Variants in LRGUK observed in about 807,000 individuals in gnomAD.
LRGUK encodes leucine-rich repeat and guanylate kinase domain-containing protein.
A neutral mutation model predicts 76.0 loss-of-function variants in LRGUK; 65 were observed. That is an observed-to-expected ratio of 0.85 (90% CI 0.70 to 1.05). The LOEUF (loss-of-function observed/expected upper bound fraction) is 1.05. Ranked by LOEUF, LRGUK falls within the 50% of genes least tolerant of loss-of-function variation. The pLI is 0.00. For missense variants in LRGUK, 758 were observed against 732.8 expected (o/e 1.03, Z -0.40); for synonymous variants, 268 against 265.6 (o/e 1.01, Z -0.09).
At chr7:134,178,902 G>A (rs908177191) in intron 10 of LRGUK, among the ~76,000 whole-genome samples, 18 of 58,688 alleles carry the variant, frequency 3.1e-4, no homozygotes, top group East Asian at 1.6e-3. Context: ...GGTGGCCAGC[G>A]TGTGCCACAC....
intron 1 of LRGUK, 139 bp from the exon 2 acceptor site, chr7:134,136,884 T>A (rs1409971399): frequency 4.8e-6 from 3 of 628,118 alleles, no homozygotes; most frequent in Non-Finnish European, 8.4e-6. Context: ...AACACAGAAT[T>A]TTTTTGGGGG....
the LRGUK span, among the ~76,000 whole-genome samples, chr7:134,274,291 T>A: frequency 6.6e-6 from 1 of 152,234 alleles, no homozygotes; most frequent in Non-Finnish European, 1.5e-5. Context: ...CCAACAGTGA[T>A]TTTGAGAGTT....
chr7:134,247,454 C>T, intron 16 of LRGUK, 102 bp from the exon 17 acceptor site: 1 of 728,542 alleles, frequency 1.4e-6, no homozygotes, highest in Non-Finnish European at 2.2e-6. Context: ...TTTCTTCCCA[C>T]ATATTTGTCA....
At chr7:134,216,055 A>G (rs1801429051) in intron 15 of LRGUK, among the ~76,000 whole-genome samples, 2 of 152,196 alleles carry the variant, frequency 1.3e-5, no homozygotes, top group South Asian at 4.1e-4. Flanking sequence ...TTGCATTACA[A>G]TCTAGCCATG....
chr7:134,220,315 T>C (rs1801555443), intron 15 of LRGUK, among the ~76,000 whole-genome samples: 1 of 152,214 alleles, frequency 6.6e-6, no homozygotes, highest in African/African-American at 2.4e-5. Flanking sequence ...GGTGGAACTT[T>C]AGACTTCCTT....
chr7:134,234,783 TCTTCCTTTC>T (rs912461800), intron 16 of LRGUK, among the ~76,000 whole-genome samples: 12 of 152,104 alleles, frequency 7.9e-5, no homozygotes, highest in African/African-American at 2.9e-4. Flanking sequence ...TTTTTCCTTT[TCTTCCTTTC>T]CCTTCCATTA....
chr7:134,249,136 TGGTACTCA>T, intron 18 of LRGUK, 60 bp downstream of exon 18: 1 of 1,468,082 alleles, frequency 6.8e-7, no homozygotes, highest in Non-Finnish European at 9.1e-7. Flanking sequence ...GTTAAAATTA[TGGTACTCA>T]TCTCTAAGCT....
intron 12 of LRGUK, 151 bp downstream of exon 12, chr7:134,191,902 A>G: frequency 1.8e-6 from 1 of 549,336 alleles, no homozygotes; most frequent in Non-Finnish European, 3.2e-6. Context: ...TTTTTCTTAA[A>G]GTGCTTAATA....
intron 18 of LRGUK, 110 bp from the exon 19 acceptor site, chr7:134,258,147 A>T: frequency 1.5e-6 from 2 of 1,325,956 alleles, no homozygotes; most frequent in Non-Finnish European, 2.1e-6. Context: ...TCCACTAACT[A>T]CTGTGAACTT....
intron 5 of LRGUK, among the ~76,000 whole-genome samples, chr7:134,150,659 G>A (rs1798181471): frequency 6.6e-6 from 1 of 152,084 alleles, no homozygotes; most frequent in South Asian, 2.1e-4. Flanking sequence ...CTATGTTTTG[G>A]CATGAAATTG....
chr7:134,161,082 A>T (rs1431685378), intron 6 of LRGUK, among the ~76,000 whole-genome samples: 1 of 152,170 alleles, frequency 6.6e-6, no homozygotes, highest in Non-Finnish European at 1.5e-5. Context: ...GCCATTAGAG[A>T]TACTGTCGGA....
At chr7:134,272,415 C>A in the LRGUK span, among the ~76,000 whole-genome samples, 1 of 152,246 alleles carries the variant, frequency 6.6e-6, no homozygotes, top group Middle Eastern at 3.4e-3. Flanking sequence ...CTCCTTACCT[C>A]CCTCCCTTCC....
At chr7:134,209,518 C>T in exon 16 of LRGUK, 1 of 399,258 alleles carries the variant, frequency 2.5e-6, no homozygotes, top group Non-Finnish European at 4.4e-6. Context: ...CCCCGGGGAC[C>T]TTGCTTCCTA....
downstream of LRGUK, among the ~76,000 whole-genome samples, chr7:134,212,272 A>G (rs1801303507): frequency 6.6e-6 from 1 of 152,248 alleles, no homozygotes; most frequent in Admixed American, 6.5e-5. Context: ...TATGGACACT[A>G]TACTCCACCC....
At chr7:134,135,921 G>T (rs889304130) in intron 1 of LRGUK, among the ~76,000 whole-genome samples, 2 of 152,238 alleles carry the variant, frequency 1.3e-5, no homozygotes, top group African/African-American at 4.8e-5. Context: ...CTCCCAAAGT[G>T]CTGGGATTAC....
chr7:134,194,257 A>ACTCTACAT (rs1204578405), intron 12 of LRGUK, among the ~76,000 whole-genome samples: 1 of 151,940 alleles, frequency 6.6e-6, no homozygotes, highest in African/African-American at 2.4e-5. Flanking sequence ...ATTCCTCCCA[A>ACTCTACAT]CTCTACATCT....
At chr7:134,150,472 A>C (rs971134177) in intron 5 of LRGUK, among the ~76,000 whole-genome samples, 1 of 79,510 alleles carries the variant, frequency 1.3e-5, no homozygotes, top group Non-Finnish European at 2.7e-5. Context: ...AAACAAAAAC[A>C]AGCAAACAAA....
At chr7:134,150,103 G>A (rs138322522) in intron 5 of LRGUK, among the ~76,000 whole-genome samples, 1,795 of 151,856 alleles carry the variant, frequency 0.012, 32 homozygotes, top group African/African-American at 0.041. Flanking sequence ...GTGAAACCCC[G>A]TCTCTACTAA....
chr7:134,178,170 A>T (rs140165992), intron 9 of LRGUK, among the ~76,000 whole-genome samples: 1,776 of 152,270 alleles, frequency 0.012, 25 homozygotes, highest in African/African-American at 0.035. Flanking sequence ...TATTCAAAGT[A>T]ATCATGGGCT....
Sources: allele counts gnomAD v4.1 joint callset (sites outside exome capture counted in the v4.1 genomes callset), GRCh38; gene constraint gnomAD v4.1.1; transcripts MANE v1.5; gene names NCBI Gene and HGNC (gene_info 2026-07-23, HGNC 2026-07-21).